The following GALNT13 variants were observed in gnomAD, a reference collection of about 807,000 sequenced individuals.
GALNT13 encodes UDP-GalNAc:polypeptide N-acetylgalactosaminyltransferase 13.
Under a neutral mutation model 64.2 loss-of-function variants are expected in GALNT13, and 28 were observed. The ratio of observed to expected loss-of-function variants is 0.44; its 90% CI spans 0.32 to 0.60. GALNT13 has a LOEUF of 0.60. Among genes scored for constraint, GALNT13 ranks in the 20% least tolerant of loss-of-function variants. The pLI, the probability that GALNT13 is intolerant of heterozygous loss-of-function variation, is 0.05. For synonymous variants in GALNT13, 214 were observed against 224.6 expected (o/e 0.95, Z 0.42); for missense variants, 577 against 669.8 (o/e 0.86, Z 1.53).
At chr2:153,620,515 T>A in the GALNT13 span, among the ~76,000 whole-genome samples, 1 of 151,960 alleles carries the variant, frequency 6.6e-6, no homozygotes, top group East Asian at 1.9e-4. Flanking sequence ...GCTGACCAAT[T>A]ATTTCTTCTG....
intron 3 of GALNT13, among the ~76,000 whole-genome samples, chr2:154,031,646 G>T (rs1698346183): frequency 6.6e-6 from 1 of 151,746 alleles, no homozygotes; most frequent in African/African-American, 2.4e-5. Context: ...TATTAACAAG[G>T]TTAAACATGA....
intron 4 of GALNT13, among the ~76,000 whole-genome samples, chr2:154,180,239 TATAA>T (rs1455536572): frequency 6.6e-6 from 1 of 152,156 alleles, no homozygotes; most frequent in African/African-American, 2.4e-5. Context: ...CATTTCAAAA[TATAA>T]ATAGACTCAT....
At chr2:153,824,611 G>A in the GALNT13 span, among the ~76,000 whole-genome samples, 1 of 152,048 alleles carries the variant, frequency 6.6e-6, no homozygotes, top group Non-Finnish European at 1.5e-5. Flanking sequence ...TTCTAAGATG[G>A]ATCCCCAAGA....
rs745351247 is a variant in GALNT13 at position 154,242,686 on chromosome 2, T to C, written c.479-12T>C. The C allele has an allele frequency of 1.9e-6, 3 of 1,577,178 alleles. No individual in the cohort carries two copies. Among genetic ancestry groups the C allele is most frequent in the Non-Finnish European group, 2.6e-6 (3 of 1,147,850 alleles). The stretch of plus-strand genomic sequence containing the variant: ...CAAAAATTTTTCTTATAAATTCTTA[T>C]ACATGTTACAGATTTTCTCAAGTTG... On this transcript the variant is annotated splice_polypyrimidine_tract_variant and intron_variant, in intron 5 of 12. Transcript: ENST00000392825.
chr2:154,255,781 G>A (rs1469375797), intron 7 of GALNT13, among the ~76,000 whole-genome samples: 1 of 152,130 alleles, frequency 6.6e-6, no homozygotes, highest in Non-Finnish European at 1.5e-5. Context: ...GCCAGGTGTG[G>A]TGACTAACAC....
At chr2:153,453,818 T>C in the GALNT13 span, among the ~76,000 whole-genome samples, 1 of 152,180 alleles carries the variant, frequency 6.6e-6, no homozygotes, top group Non-Finnish European at 1.5e-5. Flanking sequence ...CATGCACTCA[T>C]ATGTTCATCA....
chr2:153,140,777 T>C, the GALNT13 span, among the ~76,000 whole-genome samples: 4 of 152,176 alleles, frequency 2.6e-5, no homozygotes, highest in East Asian at 5.8e-4. Context: ...TGCATTTTCA[T>C]TGAATTCACC....
At chr2:153,185,584 G>A in the GALNT13 span, among the ~76,000 whole-genome samples, 2 of 152,126 alleles carry the variant, frequency 1.3e-5, no homozygotes, top group Non-Finnish European at 2.9e-5. Flanking sequence ...GCTTTTTGAT[G>A]TGGGCATTTA....
At chr2:153,638,341 G>A in the GALNT13 span, among the ~76,000 whole-genome samples, 1 of 152,032 alleles carries the variant, frequency 6.6e-6, no homozygotes. Flanking sequence ...CTTGAGAATG[G>A]GCAATATGAA....
the GALNT13 span, among the ~76,000 whole-genome samples, chr2:153,321,262 A>C: frequency 6.6e-6 from 1 of 152,176 alleles, no homozygotes; most frequent in African/African-American, 2.4e-5. Flanking sequence ...TACACTCTTA[A>C]ATTTTTAAAA....
intron 3 of GALNT13, among the ~76,000 whole-genome samples, chr2:153,983,943 A>G (rs1694629898): frequency 6.6e-6 from 1 of 151,986 alleles, no homozygotes; most frequent in African/African-American, 2.4e-5. Context: ...GTTTAATGGT[A>G]TCACAGAACT....
At chr2:153,755,265 G>C in the GALNT13 span, among the ~76,000 whole-genome samples, 1 of 151,994 alleles carries the variant, frequency 6.6e-6, no homozygotes, top group African/African-American at 2.4e-5. Context: ...TGACAGGAGA[G>C]GTTTCTCTTC....
At chr2:153,538,173 T>A in the GALNT13 span, among the ~76,000 whole-genome samples, 2 of 152,110 alleles carry the variant, frequency 1.3e-5, no homozygotes, top group Non-Finnish European at 2.9e-5. Flanking sequence ...GAGAAACTTT[T>A]TGGGAATTGG....
the GALNT13 span, among the ~76,000 whole-genome samples, chr2:153,108,514 G>T: frequency 6.6e-6 from 1 of 152,076 alleles, no homozygotes; most frequent in Non-Finnish European, 1.5e-5. Context: ...AAAGACATTG[G>T]TTTGGTTTTC....
chr2:153,533,701 AC>A, the GALNT13 span, among the ~76,000 whole-genome samples: 1 of 91,546 alleles, frequency 1.1e-5, no homozygotes, highest in African/African-American at 4.6e-5. Context: ...GTCCCAAAGT[AC>A]TTTGATATCC....
At chr2:154,369,238 C>T (rs1697545639) in intron 9 of GALNT13, among the ~76,000 whole-genome samples, 2 of 151,876 alleles carry the variant, frequency 1.3e-5, no homozygotes, top group African/African-American at 4.8e-5. Context: ...GGAGAGGCAG[C>T]ATGGCACTAT....
At chr2:154,408,504 A>G (rs1007205933) in intron 10 of GALNT13, among the ~76,000 whole-genome samples, 18 of 152,090 alleles carry the variant, frequency 1.2e-4, no homozygotes, top group African/African-American at 4.3e-4. Context: ...TTATTAACAC[A>G]CAGAATGGAA....
chr2:153,182,293 C>T, the GALNT13 span, among the ~76,000 whole-genome samples: 1 of 152,296 alleles, frequency 6.6e-6, no homozygotes, highest in African/African-American at 2.4e-5. Flanking sequence ...ATCCGCCTGC[C>T]TCAGCCTCCC....
chr2:154,429,173 A>C (rs1376661933), intron 11 of GALNT13, among the ~76,000 whole-genome samples: 2 of 152,184 alleles, frequency 1.3e-5, no homozygotes, highest in South Asian at 2.1e-4. Flanking sequence ...AAGGAAAGTC[A>C]CATGTTTCTC....
Sources: gnomAD v4.1 joint callset for allele counts (sites outside exome capture counted in the v4.1 genomes callset) on GRCh38, gnomAD v4.1.1 for gene constraint, MANE v1.5 for transcripts, NCBI Gene and HGNC (gene_info 2026-07-23, HGNC 2026-07-21) for gene names.